The following MTCL2 variants were observed in gnomAD, a reference collection of about 807,000 sequenced individuals.
MTCL2 encodes microtubule crosslinking factor 2, also known as microtubule cross-linking factor 2.
At chr20:36,826,003 CT>C in the MTCL2 span, among the ~76,000 whole-genome samples, 3 of 4,878 alleles carry the variant, frequency 6.2e-4, no homozygotes, top group Non-Finnish European at 8.0e-4. Flanking sequence ...CAAATACTTT[CT>C]TTTCTTTTTT....
At chr20:36,783,988 T>G in the MTCL2 span, 1 of 985,534 alleles carries the variant, frequency 1.0e-6, no homozygotes, top group Non-Finnish European at 1.2e-6. Flanking sequence ...AACTGGGGCT[T>G]TACTGAAAAC....
chr20:36,816,300 C>T, the MTCL2 span: 1 of 1,575,368 alleles, frequency 6.3e-7, no homozygotes, highest in Non-Finnish European at 8.6e-7. Flanking sequence ...CAGGTCTGCA[C>T]TGTCCTCCTG....
chr20:36,820,023 C>T, the MTCL2 span, among the ~76,000 whole-genome samples: 16 of 152,268 alleles, frequency 1.1e-4, no homozygotes, highest in Middle Eastern at 3.4e-3. Context: ...AGCAGACCCC[C>T]GTATAGCATG....
the MTCL2 span, among the ~76,000 whole-genome samples, chr20:36,809,493 C>T: frequency 1.3e-5 from 2 of 151,798 alleles, no homozygotes; most frequent in Non-Finnish European, 2.9e-5. Flanking sequence ...CCCTGTTACA[C>T]AACTAATGCA....
At chr20:36,823,403 G>A in the MTCL2 span, among the ~76,000 whole-genome samples, 2 of 152,190 alleles carry the variant, frequency 1.3e-5, no homozygotes, top group African/African-American at 4.8e-5. Flanking sequence ...CACGGTGGTT[G>A]TGACACTAAT....
chr20:36,812,735 C>T, the MTCL2 span: 3 of 1,613,896 alleles, frequency 1.9e-6, no homozygotes, highest in African/African-American at 1.3e-5. Context: ...GTCTTCAGCT[C>T]GGTAAGGCCT....
At chr20:36,801,503 G>A in the MTCL2 span, among the ~76,000 whole-genome samples, 1 of 151,272 alleles carries the variant, frequency 6.6e-6, no homozygotes, top group African/African-American at 2.4e-5. Context: ...TTGAGACCAG[G>A]AGCTCAAGTC....
the MTCL2 span, chr20:36,815,807 G>C: frequency 6.3e-7 from 1 of 1,593,256 alleles, no homozygotes; most frequent in Non-Finnish European, 8.5e-7. The surrounding 1 kb of genome is among the most constrained non-coding windows in gnomAD (Gnocchi z 5.3). Context: ...AGCGGAACTT[G>C]GCCAGCTCGT....
chr20:36,793,017 A>G, the MTCL2 span, among the ~76,000 whole-genome samples: 136,748 of 152,038 alleles, frequency 0.9, 62,005 homozygotes, highest in African/African-American at 0.98. This position sits in a 1 kb window ranked among gnomAD's most constrained non-coding sequence, Gnocchi z 6.8. Context: ...TGATTCTCCT[A>G]CCTCAGCCTC....
At chr20:36,816,909 G>A in the MTCL2 span, among the ~76,000 whole-genome samples, 1 of 152,178 alleles carries the variant, frequency 6.6e-6, no homozygotes, top group African/African-American at 2.4e-5. Context: ...GAGCATCTAA[G>A]CATCTAAGAA....
the MTCL2 span, chr20:36,862,817 CGGGGAGGCGGGCGGCCGCGGGG>C: frequency 7.4e-7 from 1 of 1,357,502 alleles, no homozygotes; most frequent in Non-Finnish European, 9.5e-7. Flanking sequence ...ACGGCTCGTC[CGGGGAGGCGGGCGGCCGCGGGG>C]GCTGCTGCGC....
chr20:36,863,099 G>T, the MTCL2 span: 1 of 1,399,774 alleles, frequency 7.1e-7, no homozygotes, highest in South Asian at 1.4e-5. This position sits in a 1 kb window ranked among gnomAD's most constrained non-coding sequence, Gnocchi z 6.2. Context: ...CACCCGCACC[G>T]CGCGCCCCGG....
At chr20:36,807,388 G>A in the MTCL2 span, among the ~76,000 whole-genome samples, 1 of 152,198 alleles carries the variant, frequency 6.6e-6, no homozygotes, top group African/African-American at 2.4e-5. Flanking sequence ...ACAGAGAGCA[G>A]CCTGGACTAG....
the MTCL2 span, chr20:36,803,218 A>C: frequency 2.1e-6 from 3 of 1,438,850 alleles, no homozygotes; most frequent in African/African-American, 2.8e-5. Flanking sequence ...GTCCCCTCAG[A>C]AGACCCCTCA....
chr20:36,804,058 G>A, the MTCL2 span, among the ~76,000 whole-genome samples: 72 of 151,648 alleles, frequency 4.7e-4, no homozygotes, highest in African/African-American at 1.5e-3. Context: ...CTTATTAGCC[G>A]GGTGACCTTG....
the MTCL2 span, among the ~76,000 whole-genome samples, chr20:36,837,569 A>G: frequency 2.7e-5 from 4 of 148,442 alleles, no homozygotes; most frequent in Non-Finnish European, 6.0e-5. Flanking sequence ...TATTATTATT[A>G]TTATTATTAT....
chr20:36,833,023 C>T, the MTCL2 span, among the ~76,000 whole-genome samples: 1 of 152,112 alleles, frequency 6.6e-6, no homozygotes, highest in East Asian at 1.9e-4. Flanking sequence ...GCTTTTCATC[C>T]CGTTGGGAAG....
the MTCL2 span, chr20:36,778,076 C>G: frequency 1.7e-5 from 7 of 420,248 alleles, no homozygotes; most frequent in South Asian, 3.6e-4. Flanking sequence ...TCCACACAGC[C>G]TTTTGTAAAA....
the MTCL2 span, among the ~76,000 whole-genome samples, chr20:36,846,688 G>A: frequency 6.6e-6 from 1 of 152,124 alleles, no homozygotes; most frequent in Non-Finnish European, 1.5e-5. Context: ...GCCCTCCAGC[G>A]TCCAAATAGG....
Sources: gnomAD v4.1 joint callset for allele counts (sites outside exome capture counted in the v4.1 genomes callset) on GRCh38, gnomAD v4.1.1 for gene constraint, Gnocchi (gnomAD v3.1) non-coding constraint, MANE v1.5 for transcripts, NCBI Gene and HGNC (gene_info 2026-07-23, HGNC 2026-07-21) for gene names.